Variants in VPS13B observed in about 807,000 individuals in gnomAD.
VPS13B encodes vacuolar protein sorting 13 homolog B.
In VPS13B, 285 loss-of-function variants were observed where a neutral mutation model predicts 426.4. That is an observed-to-expected ratio of 0.67 (90% CI 0.61 to 0.74). VPS13B has a LOEUF of 0.74. Ranked by LOEUF, VPS13B falls within the 30% of genes least tolerant of loss-of-function variation. The pLI, the probability that VPS13B is intolerant of heterozygous loss-of-function variation, is 0.00. For synonymous variants in VPS13B, 1,676 were observed against 1,676.4 expected (o/e 1.00, Z 0.01); for missense variants, 4,537 against 4,782.6 (o/e 0.95, Z 1.51).
At chr8:99,314,440 G>T (rs942499926) in intron 19 of VPS13B, among the ~76,000 whole-genome samples, 1 of 152,162 alleles carries the variant, frequency 6.6e-6, no homozygotes, top group South Asian at 2.1e-4. Flanking sequence ...GGTCCATTTA[G>T]TCTAAAGTAC....
intron 35 of VPS13B, among the ~76,000 whole-genome samples, chr8:99,664,850 G>A (rs1354588370): frequency 3.3e-5 from 5 of 152,250 alleles, no homozygotes; most frequent in East Asian, 3.9e-4. Context: ...GGATGGCTGG[G>A]TCAAATGGTA....
intron 35 of VPS13B, chr8:99,696,717 C>A: frequency 1.1e-6 from 1 of 923,604 alleles, no homozygotes; most frequent in Non-Finnish European, 1.8e-6. Context: ...CAGACTTCTC[C>A]GTTTTCCCAG....
At chr8:99,058,986 T>C (rs1844035049) in intron 3 of VPS13B, among the ~76,000 whole-genome samples, 1 of 152,224 alleles carries the variant, frequency 6.6e-6, no homozygotes, top group Admixed American at 6.5e-5. Context: ...GTAAACCACA[T>C]AGAAAATTAC....
chr8:99,860,891 A>T (rs1816799266), intron 57 of VPS13B, among the ~76,000 whole-genome samples: 1 of 152,224 alleles, frequency 6.6e-6, no homozygotes, highest in Non-Finnish European at 1.5e-5. Context: ...CTGGTTTTTC[A>T]GTTAACATCC....
chr8:99,167,612 G>A (rs895592415), intron 15 of VPS13B, among the ~76,000 whole-genome samples: 1 of 151,968 alleles, frequency 6.6e-6, no homozygotes, highest in South Asian at 2.1e-4. Context: ...GCCATATAAT[G>A]TTTCTAAATC....
chr8:99,722,488 A>G (rs1173299209), intron 39 of VPS13B, among the ~76,000 whole-genome samples: 1 of 150,746 alleles, frequency 6.6e-6, no homozygotes, highest in African/African-American at 2.4e-5. Flanking sequence ...TATAAGTCAT[A>G]TTACAATCTT....
At chr8:99,809,610 T>A (rs1433563635) in intron 44 of VPS13B, 80 bp downstream of exon 44, 42 of 1,567,886 alleles carry the variant, frequency 2.7e-5, no homozygotes, top group Middle Eastern at 1.7e-4. Context: ...ATAATTTTTT[T>A]AAAATCACAG....
At chr8:99,343,567 TG>T (rs1043184070) in intron 19 of VPS13B, among the ~76,000 whole-genome samples, 20 of 152,346 alleles carry the variant, frequency 1.3e-4, no homozygotes, top group African/African-American at 4.6e-4. Flanking sequence ...TGTCTATTTT[TG>T]TGGTTATTAT....
At chr8:99,085,355 A>G (rs961934844) in intron 3 of VPS13B, among the ~76,000 whole-genome samples, 2 of 152,100 alleles carry the variant, frequency 1.3e-5, no homozygotes, top group African/African-American at 2.4e-5. Context: ...GTCTCTGCAC[A>G]TGAGATGGGT....
intron 19 of VPS13B, among the ~76,000 whole-genome samples, chr8:99,360,176 TTCTTTCTTTCTTTC>T (rs1284969320): frequency 0.025 from 1,047 of 41,976 alleles, 17 homozygotes; most frequent in South Asian, 0.028. Flanking sequence ...CTTTCTTTCT[TTCTTTCTTTCTTTC>T]TCTCTCTCTC....
chr8:99,596,695 A>G (rs1827035069), intron 33 of VPS13B, among the ~76,000 whole-genome samples: 1 of 152,070 alleles, frequency 6.6e-6, no homozygotes, highest in Non-Finnish European at 1.5e-5. Flanking sequence ...TCCATTGGTC[A>G]GAATTTAGCC....
intron 30 of VPS13B, among the ~76,000 whole-genome samples, chr8:99,524,451 T>C (rs960355910): frequency 6.6e-6 from 1 of 151,978 alleles, no homozygotes; most frequent in Admixed American, 6.6e-5. Context: ...CTCCCAAAGG[T>C]CAAGGATAAA....
intron 39 of VPS13B, among the ~76,000 whole-genome samples, chr8:99,766,222 G>A (rs1811217257): frequency 6.6e-6 from 1 of 151,824 alleles, no homozygotes; most frequent in Admixed American, 6.6e-5. Context: ...TGGGATTACA[G>A]GTGCACGCCA....
chr8:99,554,362 T>C (rs1022647044), intron 30 of VPS13B, among the ~76,000 whole-genome samples: 70 of 152,248 alleles, frequency 4.6e-4, no homozygotes, highest in African/African-American at 1.6e-3. Flanking sequence ...GGAAATAGGT[T>C]AGGCCATCAA....
intron 54 of VPS13B, among the ~76,000 whole-genome samples, chr8:99,837,358 C>T (rs138637039): frequency 2.0e-5 from 3 of 152,230 alleles, no homozygotes; most frequent in Middle Eastern, 3.4e-3. Context: ...TGTGCAGCCT[C>T]AGGAGATGCT....
chr8:99,419,741 A>G (rs978181319), intron 21 of VPS13B, among the ~76,000 whole-genome samples: 4 of 152,238 alleles, frequency 2.6e-5, no homozygotes, highest in Non-Finnish European at 4.4e-5. Flanking sequence ...CACAAAGGTG[A>G]TACAGAATAT....
chr8:99,807,964 A>G (rs1813489635), intron 43 of VPS13B, among the ~76,000 whole-genome samples: 1 of 151,304 alleles, frequency 6.6e-6, no homozygotes, highest in Non-Finnish European at 1.5e-5. Context: ...TGTTATCAGG[A>G]CTCCTCCTAA....
chr8:99,271,520 A>T (rs1389721647), intron 17 of VPS13B, among the ~76,000 whole-genome samples: 2 of 152,188 alleles, frequency 1.3e-5, no homozygotes, highest in Non-Finnish European at 2.9e-5. Context: ...GTACACAATT[A>T]TATAAAGACA....
intron 17 of VPS13B, among the ~76,000 whole-genome samples, chr8:99,265,336 G>A (rs2132963179): frequency 6.6e-6 from 1 of 152,198 alleles, no homozygotes; most frequent in East Asian, 1.9e-4. Flanking sequence ...TTTGGTTTGA[G>A]GATAATCGAT....
Sources: gnomAD v4.1 joint callset for allele counts (sites outside exome capture counted in the v4.1 genomes callset) on GRCh38, gnomAD v4.1.1 for gene constraint, MANE v1.5 for transcripts, NCBI Gene and HGNC (gene_info 2026-07-23, HGNC 2026-07-21) for gene names.